The following TMEM132D variants were observed in gnomAD, a reference collection of about 807,000 sequenced individuals.
The protein encoded by TMEM132D is transmembrane protein 132D.
Under a neutral mutation model 62.3 loss-of-function variants are expected in TMEM132D, and 21 were observed. The observed-to-expected ratio is 0.34, with a 90% CI of 0.24 to 0.49. The LOEUF is 0.49. Among genes scored for constraint, TMEM132D ranks in the 20% least tolerant of loss-of-function variants. The pLI, the probability that TMEM132D is intolerant of heterozygous loss-of-function variation, is 0.99. For synonymous variants in TMEM132D, 621 were observed against 575.6 expected (o/e 1.08, Z -1.13); for missense variants, 1,346 against 1,402.8 (o/e 0.96, Z 0.65).
chr12:129,721,712 A>G (rs1056399013), intron 1 of TMEM132D, among the ~76,000 whole-genome samples: 12 of 152,286 alleles, frequency 7.9e-5, no homozygotes, highest in African/African-American at 2.9e-4. Flanking sequence ...GCTCTGCCCC[A>G]TGTGGATCCT....
intron 2 of TMEM132D, among the ~76,000 whole-genome samples, chr12:129,595,146 T>C (rs1565916660): frequency 6.6e-6 from 1 of 152,190 alleles, no homozygotes; most frequent in African/African-American, 2.4e-5. Flanking sequence ...CAAAAATTAA[T>C]GTGAACAGGA....
At chr12:129,302,498 A>G (rs975108674) in intron 4 of TMEM132D, among the ~76,000 whole-genome samples, 2 of 152,144 alleles carry the variant, frequency 1.3e-5, no homozygotes, top group African/African-American at 4.8e-5. Flanking sequence ...CACGAAGCTC[A>G]CCTTCCTTCC....
rs1308038255 is a variant in TMEM132D at position 129,338,146 on chromosome 12, TCCATTTAGGAGAA to T, written c.1116-342_1116-330del. On this transcript the variant is annotated intron_variant, in intron 3 of 8. Transcript: ENST00000422113. The stretch of plus-strand genomic sequence containing the variant: ...TTCTTAAACACTTCCTTTCCCATTC[TCCATTTAGGAGAA>T]CACTTTTCCTCACTCTCACAAATTT... Among the ~76,000 whole-genome samples the T allele has an allele frequency of 2.6e-5, 4 of 152,234 alleles. No individual in the cohort carries two copies. In the East Asian group the frequency reaches 7.7e-4, roughly 29 times the overall value.
chr12:129,524,044 A>G (rs1424942494), intron 3 of TMEM132D, among the ~76,000 whole-genome samples: 1 of 151,950 alleles, frequency 6.6e-6, no homozygotes, highest in Non-Finnish European at 1.5e-5. Flanking sequence ...GAACACATGG[A>G]CACAGGAAGG....
intron 3 of TMEM132D, among the ~76,000 whole-genome samples, chr12:129,399,919 T>C (rs1232526924): frequency 6.6e-6 from 1 of 151,984 alleles, no homozygotes; most frequent in African/African-American, 2.4e-5. Context: ...ATTTTTCATA[T>C]AATGAATATT....
At chr12:129,834,642 C>T (rs749090344) in intron 1 of TMEM132D, among the ~76,000 whole-genome samples, 60 of 152,272 alleles carry the variant, frequency 3.9e-4, no homozygotes, top group Non-Finnish European at 7.2e-4. Context: ...GGACCTGAGT[C>T]GGTTTCAGGA....
chr12:129,485,591 G>A (rs903762169), intron 3 of TMEM132D, among the ~76,000 whole-genome samples: 1 of 152,202 alleles, frequency 6.6e-6, no homozygotes, highest in Non-Finnish European at 1.5e-5. Context: ...CAGGCTGCCA[G>A]TGTACTCCCT....
chr12:129,474,066 G>T (rs1874185345), intron 3 of TMEM132D, among the ~76,000 whole-genome samples: 1 of 152,134 alleles, frequency 6.6e-6, no homozygotes, highest in Non-Finnish European at 1.5e-5. Flanking sequence ...CCTTTCACCT[G>T]CTCCTTTCTG....
Position 129,805,760 on chromosome 12 carries a change from A to G in TMEM132D, c.79+97501T>C, listed in dbSNP as rs1460318535. Among the ~76,000 whole-genome samples the G allele has an allele frequency of 5.9e-3, 885 of 150,080 alleles. 12 individuals carry two copies. The highest frequency in any genetic ancestry group is 0.021 in the African/African-American group (836 of 40,566). ...TACCATCAGAGTGAACAGGCAACCTACAGAATGGGAGAAAATTTTCGCAAC... is the reference window on the plus strand; with the variant it reads ...TACCATCAGAGTGAACAGGCAACCTGCAGAATGGGAGAAAATTTTCGCAAC... On this transcript the variant is annotated intron_variant, in intron 1 of 8. Transcript: ENST00000422113.
rs1394219771 is a variant in TMEM132D, at chr12:129,337,658, C to A, written c.1275G>T (p.Leu425Phe). 1 of 1,614,118 alleles carries A rather than the reference C, an allele frequency of 6.2e-7. No homozygotes were observed. The highest frequency in any genetic ancestry group is 8.5e-7 in the Non-Finnish European group (1 of 1,180,000). Residue 425 changes from leucine to phenylalanine, a missense_variant, in exon 4 of 9, where the codon TTG (leucine) becomes TTT (phenylalanine). Coordinates refer to ENST00000422113, the MANE Select transcript of TMEM132D (RefSeq NM_133448.3). ...CCATAGCCAGCGGCACAACTCCAATCAAGTCCTTTGGGCTCACATAGATCT... is the reference window on the plus strand; with the variant it reads ...CCATAGCCAGCGGCACAACTCCAATAAAGTCCTTTGGGCTCACATAGATCT... ...VSKIYVSPKD[L>F]IGVVPLAMEA...
At chr12:129,267,652 T>A (rs949088144) in intron 4 of TMEM132D, among the ~76,000 whole-genome samples, 1 of 152,186 alleles carries the variant, frequency 6.6e-6, no homozygotes, top group African/African-American at 2.4e-5. Flanking sequence ...AAGCTACCAA[T>A]GACTTTCTTC....
intron 1 of TMEM132D, among the ~76,000 whole-genome samples, chr12:129,750,485 C>T (rs542901137): frequency 6.6e-6 from 1 of 152,298 alleles, no homozygotes; most frequent in East Asian, 1.9e-4. Flanking sequence ...ATGGTTTGAC[C>T]TCTCTATTCC....
At chr12:129,460,140 A>T (rs558197767) in intron 3 of TMEM132D, among the ~76,000 whole-genome samples, 1 of 152,180 alleles carries the variant, frequency 6.6e-6, no homozygotes, top group Non-Finnish European at 1.5e-5. Flanking sequence ...TGACCCATGA[A>T]ATCATACGGG....
chr12:129,823,046 A>T (rs1261509607), intron 1 of TMEM132D, among the ~76,000 whole-genome samples: 2 of 152,148 alleles, frequency 1.3e-5, no homozygotes, highest in East Asian at 3.9e-4. Flanking sequence ...CGAGGTAGTG[A>T]GTGAGTCATC....
chr12:129,333,659 G>T (rs191712521), intron 4 of TMEM132D, among the ~76,000 whole-genome samples: 37 of 152,270 alleles, frequency 2.4e-4, no homozygotes, highest in African/African-American at 8.7e-4. Context: ...TCCCACTGTT[G>T]CATGCTTGCA....
chr12:129,151,980 C>T (rs144762260), intron 5 of TMEM132D, among the ~76,000 whole-genome samples: 1,829 of 149,818 alleles, frequency 0.012, 42 homozygotes, highest in African/African-American at 0.043. Flanking sequence ...TGGGTTCAAA[C>T]GATTCTCCTG....
chr12:129,613,350 G>A (rs748172255), intron 2 of TMEM132D, among the ~76,000 whole-genome samples: 5 of 152,098 alleles, frequency 3.3e-5, no homozygotes, highest in African/African-American at 9.7e-5. Context: ...TGATGGAGCC[G>A]CTCCTCTATC....
intron 2 of TMEM132D, among the ~76,000 whole-genome samples, chr12:129,636,737 T>TGTGTGTGTGTGTGTGAGAGAGAGA (rs375868329): frequency 2.6e-5 from 3 of 113,562 alleles, no homozygotes; most frequent in Admixed American, 9.9e-5. Context: ...TGTGTGTGTG[T>TGTGTGTGTGTGTGTGAGAGAGAGA]GAGAGAGAGA....
chr12:129,420,306 G>GGTTTTTTTTTTT lies in TMEM132D; in HGVS notation c.1116-82490_1116-82489insAAAAAAAAAAAC, dbSNP rs1457529737. Among the ~76,000 whole-genome samples, 40 of 112,270 alleles carry GGTTTTTTTTTTT rather than the reference G, an allele frequency of 3.6e-4. No homozygotes were observed. The East Asian group carries it at 3.9e-3, about 11-fold the overall frequency. 73.7% of individuals were successfully genotyped at this position (112,270 alleles called of 152,430 possible). ...AATTTCAAATTATTGCACGTTCTCTGTTTTTTTTTTTTTTTTTTTTTTTTG... is the reference window on the plus strand; with the variant it reads ...AATTTCAAATTATTGCACGTTCTCTGGTTTTTTTTTTTTTTTTTTTTTTTTTTTTTTTTTTTG... On this transcript the variant is annotated intron_variant, in intron 3 of 8. Coordinates refer to ENST00000422113, the MANE Select transcript of TMEM132D (RefSeq NM_133448.3).
Sources: allele counts gnomAD v4.1 joint callset (sites outside exome capture counted in the v4.1 genomes callset), GRCh38; gene constraint gnomAD v4.1.1; transcripts MANE v1.5; gene names NCBI Gene and HGNC (gene_info 2026-07-23, HGNC 2026-07-21).